DPY19L1: variants seen among roughly 807,000 people sequenced by gnomAD.
The protein encoded by DPY19L1 is dpy-19 like C-mannosyltransferase 1.
Under a neutral mutation model 96.9 loss-of-function variants are expected in DPY19L1, and 35 were observed. That is an observed-to-expected ratio of 0.36 (90% CI 0.28 to 0.48). The LOEUF is 0.48. Among genes scored for constraint, DPY19L1 ranks in the 20% least tolerant of loss-of-function variants. DPY19L1 has a pLI of 0.99. For missense variants in DPY19L1, 521 were observed against 777.9 expected (o/e 0.67, Z 3.93); for synonymous variants, 205 against 252.6 (o/e 0.81, Z 1.79).
chr7:34,987,729 ATTTCTG>A lies in DPY19L1; in HGVS notation c.822+2149_822+2154del, dbSNP rs1304381400. ...ATAAATAGGTACTACCAGAGTAAATATTTCTGTCCATAGAAAAAGTATATACTTAAA... is the reference window on the plus strand; with the variant it reads ...ATAAATAGGTACTACCAGAGTAAATATCCATAGAAAAAGTATATACTTAAA... On this transcript the variant is annotated intron_variant, in intron 7 of 21. Coordinates refer to ENST00000638088, the MANE Select transcript of DPY19L1 (RefSeq NM_001366673.1). 8.5e-5 allele frequency among the ~76,000 whole-genome samples: 13 copies of A among 152,050 alleles called. No individual in the cohort carries two copies. The South Asian group carries it at 1.2e-3, about 15-fold the overall frequency.
At chr7:35,034,243 A>G (rs1444469791) in intron 1 of DPY19L1, among the ~76,000 whole-genome samples, 2 of 152,168 alleles carry the variant, frequency 1.3e-5, no homozygotes, top group South Asian at 2.1e-4. Context: ...TAATGGGTGT[A>G]TCTTTTACTA....
chr7:35,035,800 G>T (rs1268392958), intron 1 of DPY19L1, among the ~76,000 whole-genome samples: 1 of 152,054 alleles, frequency 6.6e-6, no homozygotes, highest in Admixed American at 6.6e-5. Context: ...CTGAACCGCT[G>T]TGTACTAGAT....
intron 19 of DPY19L1, 105 bp downstream of exon 19, chr7:34,940,048 G>A (rs1783964884): frequency 2.0e-6 from 2 of 988,912 alleles, no homozygotes; most frequent in East Asian, 2.8e-5. Context: ...TAGAAAGAGT[G>A]AGATCAGTGG....
chr7:35,030,314 C>A (rs1259068264), intron 1 of DPY19L1, among the ~76,000 whole-genome samples: 1 of 152,196 alleles, frequency 6.6e-6, no homozygotes, highest in Non-Finnish European at 1.5e-5. Context: ...AAGCCTCGCT[C>A]TTCTCAATTA....
At chr7:34,977,883 A>G (rs577104846) in intron 7 of DPY19L1, among the ~76,000 whole-genome samples, 2 of 152,286 alleles carry the variant, frequency 1.3e-5, no homozygotes, top group Admixed American at 6.5e-5. Flanking sequence ...GTGAAAATAA[A>G]TTCAATAAAA....
intron 6 of DPY19L1, among the ~76,000 whole-genome samples, chr7:35,002,961 G>A (rs1326187004): frequency 9.2e-5 from 14 of 151,964 alleles, no homozygotes; most frequent in Non-Finnish European, 1.8e-4. Flanking sequence ...TAGTAGAGAC[G>A]GGGTTTCACT....
chr7:34,960,806 C>T lies in DPY19L1; in HGVS notation c.1093-2736G>A, dbSNP rs1398955302. ...TTTTACTTGATTATGGTCTTAAACA[C>T]CAAAAATAGATGTTGACTTTTATCA... On this transcript the variant is annotated intron_variant, in intron 10 of 21. Coordinates refer to ENST00000638088, the MANE Select transcript of DPY19L1 (RefSeq NM_001366673.1). 3.3e-5 allele frequency among the ~76,000 whole-genome samples: 5 copies of T among 152,092 alleles called. No homozygotes were observed. The East Asian group carries it at 7.7e-4, about 24-fold the overall frequency.
Position 35,028,501 on chromosome 7 carries a change from GTGTT to G in DPY19L1, c.298+8592_298+8595del, listed in dbSNP as rs149338864. Among the ~76,000 whole-genome samples, 886 of 152,304 alleles carry G rather than the reference GTGTT, an allele frequency of 5.8e-3. 10 individuals are homozygous for G. The highest frequency in any genetic ancestry group is 0.02 in the African/African-American group (826 of 41,542). On this transcript the variant is annotated intron_variant, in intron 1 of 21. Transcript: ENST00000638088. ...TACTTAATACAACTACTCAACGTAA[GTGTT>G]TTGAAGACAATAAATTCTAATTTCC...
chr7:35,017,427 G>T (rs955464757), intron 3 of DPY19L1, among the ~76,000 whole-genome samples: 8 of 148,620 alleles, frequency 5.4e-5, no homozygotes, highest in African/African-American at 2.0e-4. Context: ...CCCGGGAAGC[G>T]GAGCTTGCAG....
At chr7:34,997,297 C>CAA (rs896530528) in intron 6 of DPY19L1, among the ~76,000 whole-genome samples, 1 of 130,664 alleles carries the variant, frequency 7.7e-6, no homozygotes, top group African/African-American at 2.8e-5. Flanking sequence ...AATATTAATT[C>CAA]AAAAAAAAAA....
At chr7:35,025,616 G>A (rs1786102069) in intron 1 of DPY19L1, among the ~76,000 whole-genome samples, 2 of 152,054 alleles carry the variant, frequency 1.3e-5, no homozygotes, top group Non-Finnish European at 2.9e-5. Context: ...ATTGGACTTG[G>A]ATAAAAGAAT....
chr7:35,032,597 A>C (rs1786286682), intron 1 of DPY19L1, among the ~76,000 whole-genome samples: 1 of 152,048 alleles, frequency 6.6e-6, no homozygotes, highest in South Asian at 2.1e-4. Context: ...GTACATCTCC[A>C]CTCAGACCTT....
intron 16 of DPY19L1, among the ~76,000 whole-genome samples, chr7:34,944,188 C>A (rs374570370): frequency 6.6e-6 from 1 of 151,906 alleles, no homozygotes; most frequent in African/African-American, 2.4e-5. Context: ...TATGGTGAAA[C>A]CCCGTCTCTA....
At chr7:34,960,412 TTGC>T (rs985484503) in intron 10 of DPY19L1, among the ~76,000 whole-genome samples, 1 of 152,130 alleles carries the variant, frequency 6.6e-6, no homozygotes, top group African/African-American at 2.4e-5. Flanking sequence ...CATATTATTT[TTGC>T]TGCTGTTTTA....
intron 6 of DPY19L1, among the ~76,000 whole-genome samples, chr7:35,001,556 A>G (rs1160806503): frequency 6.6e-6 from 1 of 152,128 alleles, no homozygotes; most frequent in African/African-American, 2.4e-5. Flanking sequence ...AACCTAATAA[A>G]ACACTGCACC....
intron 21 of DPY19L1, among the ~76,000 whole-genome samples, chr7:34,936,898 G>A (rs958127648): frequency 1.3e-5 from 2 of 152,152 alleles, no homozygotes; most frequent in African/African-American, 4.8e-5. Flanking sequence ...TGAAATATAT[G>A]GTGGGAAAGT....
At chr7:34,935,789 T>G (rs1297124395) in intron 21 of DPY19L1, among the ~76,000 whole-genome samples, 1 of 152,262 alleles carries the variant, frequency 6.6e-6, no homozygotes, top group African/African-American at 2.4e-5. Context: ...AGAAACTTCC[T>G]ACTCTAAATG....
At chr7:34,940,439 G>A (rs1224353492) in intron 18 of DPY19L1, 112 bp from the exon 19 acceptor site, 2 of 800,228 alleles carry the variant, frequency 2.5e-6, no homozygotes, top group East Asian at 3.1e-5. Context: ...CCCAAATAAA[G>A]GATTAATTAT....
chr7:34,940,023 A>G (rs1783963579), intron 19 of DPY19L1, 130 bp downstream of exon 19: 3 of 815,070 alleles, frequency 3.7e-6, no homozygotes, highest in Non-Finnish European at 5.2e-6. Context: ...TAGATATTCT[A>G]AAAGCAACAT....
Sources: allele counts gnomAD v4.1 joint callset (sites outside exome capture counted in the v4.1 genomes callset), GRCh38; gene constraint gnomAD v4.1.1; transcripts MANE v1.5; gene names NCBI Gene and HGNC (gene_info 2026-07-23, HGNC 2026-07-21).